Variants in MTTP observed in about 807,000 individuals in gnomAD.
The protein encoded by MTTP is microsomal triglyceride transfer protein large subunit.
A neutral mutation model predicts 90.6 loss-of-function variants in MTTP; 49 were observed. The observed-to-expected ratio is 0.54, with a 90% CI of 0.43 to 0.69. The LOEUF is 0.69. Ranked by LOEUF, MTTP falls within the 30% of genes least tolerant of loss-of-function variation. The pLI, the probability that MTTP is intolerant of heterozygous loss-of-function variation, is 0.00. For synonymous variants in MTTP, 347 were observed against 384.2 expected, an observed-to-expected ratio of 0.90 and a Z score of 1.13; for missense variants, 945 against 1,067.5, an observed-to-expected ratio of 0.89 and a Z score of 1.60.
intron 6 of MTTP, 35 bp downstream of exon 6, chr4:99,591,825 A>G (rs1725429923): frequency 6.6e-7 from 1 of 1,518,688 alleles, no homozygotes; most frequent in Non-Finnish European, 9.1e-7. Context: ...TTTCTTTGCT[A>G]TTCTTTGTTA....
At chr4:99,620,706 A>G (rs770710180) in intron 16 of MTTP, among the ~76,000 whole-genome samples, 1 of 152,230 alleles carries the variant, frequency 6.6e-6, no homozygotes, top group Non-Finnish European at 1.5e-5. Context: ...CCATTTTAAT[A>G]TAACTTGGGT....
intron 10 of MTTP, among the ~76,000 whole-genome samples, chr4:99,606,188 A>G (rs1437671789): frequency 1.3e-5 from 2 of 152,206 alleles, no homozygotes; most frequent in African/African-American, 2.4e-5. Flanking sequence ...ATTGTAGAAC[A>G]TATTTGAAAA....
At position 99,591,281 on chromosome 4, in the gene MTTP, A is replaced by T. The variant is rs763965386; in HGVS notation, c.548A>T (p.Asp183Val). The part of the protein sequence containing the change: ...NCKVTYQAHQ[D>V]KVIKIKALDS... ...AAAGTGACCTACCAGGCTCATCAAG[A>T]CAAAGTGATCAAAATTAAGGCCTTG... The change falls in exon 5 of 18, where the codon GAC (aspartate) becomes GTC (valine). Residue 183 changes from aspartate to valine, a missense_variant. Transcript: ENST00000265517. 13 of 1,614,064 alleles carry T rather than the reference A, an allele frequency of 8.1e-6. No homozygotes were observed. Among genetic ancestry groups the T allele is most frequent in the Middle Eastern group, 1.7e-4 (1 of 6,058 alleles).
At position 99,601,620 on chromosome 4, in the gene MTTP, G is replaced by C. The variant is rs376390566; in HGVS notation, c.1250G>C (p.Gly417Ala). 2.5e-6 allele frequency: 4 copies of C among 1,611,276 alleles called. No individual in the cohort carries two copies. The South Asian group carries it at 4.4e-5, about 18-fold the overall frequency. The change falls in exon 10 of 18, where the codon GGT becomes GCT. Residue 417 changes from glycine (G) to alanine (A), a missense_variant. Physicochemically the swap from Gly to Ala is moderately conservative, Grantham distance 60 (BLOSUM62 0). Transcript: ENST00000265517. ...LLRALISKFK[G>A]SIGSSDIRET... ...TTTGGTTAATAGAGTAAGTTCAAAGGTTCTATTGGTAGCAGTGACATCAGA... is the reference window on the plus strand; with the variant it reads ...TTTGGTTAATAGAGTAAGTTCAAAGCTTCTATTGGTAGCAGTGACATCAGA...
chr4:99,583,714 C>A, intron 3 of MTTP, 197 bp downstream of exon 3: 1 of 652,174 alleles, frequency 1.5e-6, no homozygotes. Context: ...CATTTACTAG[C>A]CAATTTGTTT....
intron 7 of MTTP, chr4:99,595,403 G>A (rs1285385530): frequency 1.8e-5 from 3 of 164,820 alleles, no homozygotes; most frequent in Admixed American, 5.7e-5. Context: ...AGGGCAAAGT[G>A]TAGATCATTG....
At chr4:99,611,504 C>A (rs1427965462) in intron 14 of MTTP, 51 bp downstream of exon 14, 4 of 1,600,916 alleles carry the variant, frequency 2.5e-6, no homozygotes, top group Non-Finnish European at 3.4e-6. Context: ...AGAAATCAGG[C>A]TGAGGTAAAA....
At chr4:99,610,409 G>A (rs954392477) in intron 12 of MTTP, among the ~76,000 whole-genome samples, 1 of 152,008 alleles carries the variant, frequency 6.6e-6, no homozygotes, top group Non-Finnish European at 1.5e-5. Flanking sequence ...ATATTGGAGG[G>A]GAAACCTCTC....
chr4:99,586,185 A>G (rs1725255467), intron 3 of MTTP, among the ~76,000 whole-genome samples: 1 of 152,128 alleles, frequency 6.6e-6, no homozygotes. Context: ...ACTTAGATAC[A>G]TATTCATTGC....
chr4:99,591,097 C>G, intron 4 of MTTP, 138 bp from the exon 5 acceptor site: 1 of 713,654 alleles, frequency 1.4e-6, no homozygotes, highest in Admixed American at 2.2e-5. Context: ...TTGTTCTTGT[C>G]TTTGTATCTT....
At position 99,583,741 on chromosome 4, in the gene MTTP, T is replaced by C; in HGVS notation, c.393+224T>C. 4 of 616,882 alleles carry C rather than the reference T, an allele frequency of 6.5e-6. No homozygotes were observed. In the East Asian group the frequency reaches 8.2e-5, roughly 13 times the overall value. The allele number at this position is 616,882 out of a possible 1,614,324, so 38.2% of individuals were successfully genotyped here. ...AATTTGTTTCCTATTTTTCTGGAAA[T>C]CTTTATAGTGGAATGAAGTATTTAT... On this transcript the variant is annotated intron_variant, in intron 3 of 17. Transcript: ENST00000265517.
chr4:99,619,912 C>T (rs1560627633), intron 16 of MTTP, among the ~76,000 whole-genome samples: 1 of 152,164 alleles, frequency 6.6e-6, no homozygotes, highest in Non-Finnish European at 1.5e-5. Flanking sequence ...CTTAGGGCTT[C>T]CCACATAATC....
At chr4:99,579,683 C>T (rs773490878) in intron 1 of MTTP, among the ~76,000 whole-genome samples, 8 of 152,020 alleles carry the variant, frequency 5.3e-5, no homozygotes, top group Non-Finnish European at 8.8e-5. Flanking sequence ...ATGTACCTTC[C>T]AATTTACATT....
rs1472530614 is a variant in MTTP, at chr4:99,611,397, A to T, written c.1933A>T (p.Arg645Ter). Residue 645 changes from arginine (R) to a stop codon, truncating the protein, a stop_gained, in exon 14 of 18, where the codon AGA becomes TGA. Coordinates refer to ENST00000265517, the MANE Select transcript of MTTP (RefSeq NM_001386140.1). LOFTEE classifies it high-confidence loss of function. ...ILYSGSGILRRSNLNIFQYIG... is the reference protein window; with the variant it reads ...ILYSGSGILR ...CTACTCGGGTTCTGGCATTCTAAGG[A>T]GAAGTAACCTGAACATCTTTCAGTA... The T allele has an allele frequency of 6.2e-7, 1 of 1,613,952 alleles. No individual in the cohort carries two copies. The highest frequency in any genetic ancestry group is 8.5e-7 in the Non-Finnish European group (1 of 1,179,942).
intron 15 of MTTP, among the ~76,000 whole-genome samples, chr4:99,618,039 A>G (rs1053354332): frequency 2.7e-5 from 4 of 145,856 alleles, no homozygotes; most frequent in African/African-American, 8.0e-5. Context: ...AAATATTTGG[A>G]AAAAAAACAC....
In MTTP at chr4:99,623,143, G is replaced by A. The variant is rs1218534477; in HGVS notation, c.*295G>A. On this transcript the variant is annotated 3_prime_UTR_variant, in exon 18 of 18. Transcript: ENST00000265517. ...AGTTATTCTCTAAGAGGAAACTAGTGTTTGTTAAAAACAAAAATAAAAACA... is the reference window on the plus strand; with the variant it reads ...AGTTATTCTCTAAGAGGAAACTAGTATTTGTTAAAAACAAAAATAAAAACA... 1 of 408,964 alleles carries A rather than the reference G, an allele frequency of 2.4e-6. No homozygotes were observed. The highest frequency in any genetic ancestry group is 3.8e-5 in the Admixed American group (1 of 26,310). 25.3% of individuals were successfully genotyped at this position (408,964 alleles called of 1,614,324 possible).
intron 3 of MTTP, among the ~76,000 whole-genome samples, chr4:99,586,165 C>G (rs1439101677): frequency 6.6e-6 from 1 of 152,088 alleles, no homozygotes; most frequent in Non-Finnish European, 1.5e-5. Flanking sequence ...AAAAGAGAGT[C>G]CATTAAAATA....
At chr4:99,594,610 G>A in intron 6 of MTTP, 123 bp from the exon 7 acceptor site, 2 of 1,120,408 alleles carry the variant, frequency 1.8e-6, no homozygotes, top group Non-Finnish European at 2.7e-6. Flanking sequence ...ATCACAGTTT[G>A]AAAGACATGG....
intron 3 of MTTP, among the ~76,000 whole-genome samples, chr4:99,589,153 T>C (rs981455571): frequency 6.8e-6 from 1 of 146,564 alleles, no homozygotes; most frequent in African/African-American, 2.5e-5. Context: ...CCATGGGTAT[T>C]ATGGCCATGC....
Sources: allele counts gnomAD v4.1 joint callset (sites outside exome capture counted in the v4.1 genomes callset), GRCh38; gene constraint gnomAD v4.1.1; transcripts MANE v1.5; gene names NCBI Gene and HGNC (gene_info 2026-07-23, HGNC 2026-07-21).